SPEN: variants seen among roughly 807,000 people sequenced by gnomAD.
The protein encoded by SPEN is msx2-interacting protein.
SPEN carries 18 observed loss-of-function variants against 269.9 expected under a neutral mutation model. That is an observed-to-expected ratio of 0.07 (90% confidence interval 0.05 to 0.10). SPEN has a LOEUF of 0.10. Among genes scored for constraint, SPEN ranks in the 10% least tolerant of loss-of-function variants. The pLI is 1.00. For missense variants in SPEN, 3,822 were observed against 4,631.2 expected, an observed-to-expected ratio of 0.83 and a Z score of 5.07; for synonymous variants, 1,726 against 1,765.7, an observed-to-expected ratio of 0.98 and a Z score of 0.56.
chr1:15,867,558 G>C (rs1049096230), intron 1 of SPEN, among the ~76,000 whole-genome samples: 2 of 151,936 alleles, frequency 1.3e-5, no homozygotes, highest in Non-Finnish European at 2.9e-5. Context: ...CTCATTTTTG[G>C]CTGTTATGAA....
intron 3 of SPEN, among the ~76,000 whole-genome samples, chr1:15,883,444 CAG>C (rs1427287217): frequency 1.3e-5 from 2 of 151,876 alleles, no homozygotes; most frequent in African/African-American, 4.8e-5. Flanking sequence ...TTTTTTGAGA[CAG>C]AGTCTTGTGT....
intron 3 of SPEN, among the ~76,000 whole-genome samples, chr1:15,897,540 T>C (rs1012234457): frequency 2.0e-5 from 3 of 152,184 alleles, no homozygotes; most frequent in Admixed American, 1.3e-4. Context: ...ATTGTATTTT[T>C]AGTAGAGGCG....
intron 1 of SPEN, among the ~76,000 whole-genome samples, chr1:15,861,134 C>CTTTTTTTTTTTTT (rs1169274095): frequency 7.3e-6 from 1 of 136,128 alleles, no homozygotes. Context: ...GGCTGAGTGA[C>CTTTTTTTTTTTTT]TTTTTTTTTT....
In SPEN at chr1:15,893,730, T is replaced by G. The variant is rs566266904; in HGVS notation, c.882-15591T>G. ...CTGGGCAACAGAGCGAGACCCTGTC[T>G]CTTAAAAAAAAACAAAAAAAAGCAA... On this transcript the variant is annotated intron_variant, in intron 3 of 14. Transcript: ENST00000375759. 2.2e-3 allele frequency among the ~76,000 whole-genome samples: 341 copies of G among 151,744 alleles called. 5 individuals carry two copies. Among genetic ancestry groups the G allele is most frequent in the Non-Finnish European group, 1.0e-3 (71 of 67,946 alleles).
chr1:15,916,060 T>C, intron 5 of SPEN, 68 bp from the exon 6 acceptor site: 1 of 1,506,606 alleles, frequency 6.6e-7, no homozygotes, highest in Non-Finnish European at 8.9e-7. Context: ...TGTAGATTTT[T>C]CCATGATATA....
intron 6 of SPEN, among the ~76,000 whole-genome samples, chr1:15,916,580 G>A (rs559568555): frequency 7.1e-6 from 1 of 141,792 alleles, no homozygotes; most frequent in East Asian, 2.1e-4. Flanking sequence ...TCATGATCAC[G>A]ACTCACTGCA....
intron 1 of SPEN, among the ~76,000 whole-genome samples, chr1:15,869,257 A>G (rs1290373430): frequency 1.3e-5 from 2 of 151,942 alleles, no homozygotes; most frequent in Admixed American, 6.6e-5. Context: ...AGGTTTTACC[A>G]TGTTGGCCAG....
Position 15,928,783 on chromosome 1 carries a change from C to T in SPEN, c.2543C>T (p.Pro848Leu). The change falls in exon 11 of 15, where the codon CCT becomes CTT. Residue 848 changes from proline (P) to leucine (L), a missense_variant. Pro to Leu is a moderately conservative substitution (Grantham distance 98). This residue lies in a region of SPEN where 572 missense variants were observed against 582.6 expected (regional missense o/e 0.98). Coordinates refer to ENST00000375759, the MANE Select transcript of SPEN (RefSeq NM_015001.3). This position sits in a 1 kb window ranked among gnomAD's most constrained non-coding sequence, Gnocchi z 5.7. ...TDQENEREQS[P>L]EKPRSCNKLS... ...CAAGAAAATGAGCGAGAGCAAAGCC[C>T]TGAAAAGCCCAGGAGTTGTAATAAA... The T allele has an allele frequency of 1.2e-6, 2 of 1,614,078 alleles. No individual in the cohort carries two copies. Among genetic ancestry groups the T allele is most frequent in the Non-Finnish European group, 1.7e-6 (2 of 1,180,024 alleles).
chr1:15,937,317 G>T lies in SPEN; in HGVS notation c.10181G>T (p.Gly3394Val). 1 of 1,613,866 alleles carries T rather than the reference G, an allele frequency of 6.2e-7. No individual in the cohort carries two copies. The highest frequency in any genetic ancestry group is 8.5e-7 in the Non-Finnish European group (1 of 1,179,994). ...CCTCAAGTGTCCCAGGAGGCAAAGGGGACCCAGACGGGAGTAGAGCAGCCT... is the reference window on the plus strand; with the variant it reads ...CCTCAAGTGTCCCAGGAGGCAAAGGTGACCCAGACGGGAGTAGAGCAGCCT... Reference protein sequence around the residue: ...KMPQVSQEAKGTQTGVEQPRL... With the variant: ...KMPQVSQEAKVTQTGVEQPRL... The change falls in exon 12 of 15, where the codon GGG (glycine) becomes GTG (valine). Residue 3394 changes from glycine (G) to valine (V), a missense_variant. Physicochemically the swap from Gly to Val is moderately radical, Grantham distance 109. Coordinates refer to ENST00000375759, the MANE Select transcript of SPEN (RefSeq NM_015001.3). This position sits in a 1 kb window ranked among gnomAD's most constrained non-coding sequence, Gnocchi z 5.7.
chr1:15,912,247 TA>T (rs1208025510), intron 5 of SPEN, among the ~76,000 whole-genome samples: 4 of 152,236 alleles, frequency 2.6e-5, no homozygotes, highest in Non-Finnish European at 5.9e-5. Context: ...CCGCCTGCAG[TA>T]CTTGTTTAAA....
In SPEN at chr1:15,934,765, C is replaced by T. The variant is rs781552627; in HGVS notation, c.8525C>T (p.Ala2842Val). The change falls in exon 11 of 15, where the codon GCA (alanine) becomes GTA (valine). Residue 2842 changes from alanine (A) to valine (V), a missense_variant. Physicochemically the swap from Ala to Val is moderately conservative, Grantham distance 64. Around this residue, in one of 16 missense-constraint regions of SPEN, gnomAD observed 329 missense variants for 431.2 expected, o/e 0.76. Coordinates refer to ENST00000375759, the MANE Select transcript of SPEN (RefSeq NM_015001.3). The surrounding 1 kb of genome is among the most constrained non-coding windows in gnomAD (Gnocchi z 9.2). ...ATCAGCCAGATCCCCCCGGCCAGTG[C>T]AATGGACATTGAATTTCAGCAGTCA... The part of the protein sequence containing the change: ...AKISQIPPAS[A>V]MDIEFQQSVS... 4.3e-6 allele frequency: 7 copies of T among 1,614,184 alleles called. No homozygotes were observed. Among genetic ancestry groups the T allele is most frequent in the Non-Finnish European group, 5.9e-6 (7 of 1,180,032 alleles).
In SPEN at chr1:15,935,961, G is replaced by GCTGCCCCCACCCCCACCC. The variant is rs1200079838; in HGVS notation, c.9730_9747dup (p.Thr3244_Pro3249dup). 6.3e-7 allele frequency: 1 copy of GCTGCCCCCACCCCCACCC among 1,587,142 alleles called. No individual in the cohort carries two copies. Reference sequence around the variant, plus strand: ...AGCTGCCAAGACACCAGATGCCAAAGCTGCCCCCACCCCCACCCCTGCCCC... The same window carrying GCTGCCCCCACCCCCACCC: ...AGCTGCCAAGACACCAGATGCCAAAGCTGCCCCCACCCCCACCCCTGCCCCCACCCCCACCCCTGCCCC... On this transcript the variant is annotated inframe_insertion, in exon 11 of 15. Coordinates refer to ENST00000375759, the MANE Select transcript of SPEN (RefSeq NM_015001.3). The surrounding 1 kb of genome is among the most constrained non-coding windows in gnomAD (Gnocchi z 7.7).
rs367935660 is a variant in SPEN at position 15,938,701 on chromosome 1, G to T, written c.10705-17G>T. On this transcript the variant is annotated splice_polypyrimidine_tract_variant and intron_variant, in intron 13 of 14. Transcript: ENST00000375759. ...ACTAGGAGGCCCCTGCTCACTGGCA[G>T]CTGGCCTCTGCCTCAGGTGGAGACA... The T allele has an allele frequency of 1.9e-6, 3 of 1,606,988 alleles. No homozygotes were observed. The highest frequency in any genetic ancestry group is 1.7e-6 in the Non-Finnish European group (2 of 1,175,922).
chr1:15,882,537 G>A (rs901166251), intron 3 of SPEN, among the ~76,000 whole-genome samples: 2 of 152,092 alleles, frequency 1.3e-5, no homozygotes, highest in South Asian at 4.2e-4. Context: ...GTGGGCGCCT[G>A]TAATCCCAGC....
At chr1:15,867,089 T>C (rs2070522518) in intron 1 of SPEN, among the ~76,000 whole-genome samples, 1 of 152,216 alleles carries the variant, frequency 6.6e-6, no homozygotes, top group Non-Finnish European at 1.5e-5. Flanking sequence ...TATCTAATTG[T>C]AGAATAGTTT....
At chr1:15,893,962 A>C (rs1401373326) in intron 3 of SPEN, among the ~76,000 whole-genome samples, 1 of 152,130 alleles carries the variant, frequency 6.6e-6, no homozygotes, top group Non-Finnish European at 1.5e-5. Flanking sequence ...ACTTGAACCC[A>C]GGAAATGGAG....
intron 1 of SPEN, among the ~76,000 whole-genome samples, chr1:15,863,124 C>T (rs2070464093): frequency 6.6e-6 from 1 of 152,094 alleles, no homozygotes; most frequent in African/African-American, 2.4e-5. Context: ...GTGGTATGTA[C>T]CTATAGTCCA....
intron 1 of SPEN, among the ~76,000 whole-genome samples, chr1:15,865,100 G>C (rs2070490487): frequency 6.6e-6 from 1 of 151,886 alleles, no homozygotes; most frequent in African/African-American, 2.4e-5. Context: ...CGCCCGGGCT[G>C]GAGTGCAGTG....
chr1:15,915,419 G>C lies in SPEN; in HGVS notation c.1244-709G>C, dbSNP rs116164573. Among the ~76,000 whole-genome samples, 491 of 152,264 alleles carry C rather than the reference G, an allele frequency of 3.2e-3. 2 individuals are homozygous for C. The highest frequency in any genetic ancestry group is 0.011 in the African/African-American group (475 of 41,544). On this transcript the variant is annotated intron_variant, in intron 5 of 14. Coordinates refer to ENST00000375759, the MANE Select transcript of SPEN (RefSeq NM_015001.3). ...TTGGAGGATTGCTTGAGCCTGGGAG[G>C]TTGAGGCTCCAGTGAGCCATGATCC... is the stretch of plus-strand genomic sequence containing the variant.
Sources: allele counts gnomAD v4.1 joint callset (sites outside exome capture counted in the v4.1 genomes callset), GRCh38; gene constraint gnomAD v4.1.1; regional missense constraint gnomAD v4.1.1; non-coding constraint Gnocchi (gnomAD v3.1); transcripts MANE v1.5; gene names NCBI Gene and HGNC (gene_info 2026-07-23, HGNC 2026-07-21).